Variants in VPS13B observed in about 807,000 individuals in gnomAD.
VPS13B encodes the protein intermembrane lipid transfer protein VPS13B.
A neutral mutation model predicts 426.4 loss-of-function variants in VPS13B; 285 were observed. The observed-to-expected ratio is 0.67, with a 90% CI of 0.61 to 0.74. The LOEUF (loss-of-function observed/expected upper bound fraction) is 0.74, where lower values mean the gene tolerates loss of function less well. VPS13B is among the 30% of genes least tolerant of loss of function. The probability of loss-of-function intolerance (pLI) is 0.00; values close to 1 mark genes in which losing one functional copy is unlikely to be tolerated. For synonymous variants in VPS13B, 1,676 were observed against 1,676.4 expected (o/e 1.00, Z 0.01); for missense variants, 4,537 against 4,782.6 (o/e 0.95, Z 1.51).
intron 31 of VPS13B, among the ~76,000 whole-genome samples, chr8:99,572,216 C>G (rs572842511): frequency 6.6e-6 from 1 of 152,108 alleles, no homozygotes; most frequent in African/African-American, 2.4e-5. Flanking sequence ...TAAGAATATA[C>G]GCAGTGGACT....
At chr8:99,816,843 A>C (rs575189623) in intron 44 of VPS13B, among the ~76,000 whole-genome samples, 17 of 152,264 alleles carry the variant, frequency 1.1e-4, no homozygotes, top group Admixed American at 7.9e-4. Context: ...AATAAAAAAA[A>C]TTAGATATCT....
At chr8:99,024,355 A>G (rs189842093) in intron 2 of VPS13B, among the ~76,000 whole-genome samples, 31 of 152,374 alleles carry the variant, frequency 2.0e-4, no homozygotes, top group Admixed American at 1.2e-3. Flanking sequence ...CTCTTATAAA[A>G]TACAATAAAA....
At chr8:99,152,131 A>G (rs1029548850) in intron 14 of VPS13B, among the ~76,000 whole-genome samples, 26 of 152,078 alleles carry the variant, frequency 1.7e-4, no homozygotes, top group African/African-American at 5.8e-4. Context: ...CCTTTTTTGT[A>G]ATATATGAAC....
chr8:99,157,830 A>G (rs1287066686), intron 15 of VPS13B, among the ~76,000 whole-genome samples: 1 of 152,254 alleles, frequency 6.6e-6, no homozygotes, highest in Non-Finnish European at 1.5e-5. Context: ...TCCAGTGAAC[A>G]CAGGAATGAC....
At chr8:99,142,800 A>G (rs1174682594) in intron 12 of VPS13B, among the ~76,000 whole-genome samples, 174 bp from the exon 13 acceptor site, 3 of 152,228 alleles carry the variant, frequency 2.0e-5, no homozygotes, top group African/African-American at 7.2e-5. Context: ...TTTATCAGTA[A>G]TTTATTATAT....
At chr8:99,699,380 G>A (rs1832176712) in intron 35 of VPS13B, 145 bp from the exon 36 acceptor site, 2 of 841,826 alleles carry the variant, frequency 2.4e-6, no homozygotes, top group South Asian at 3.1e-5. Flanking sequence ...TAAGTGATGA[G>A]TAAGAGATAT....
chr8:99,779,230 G>C (rs1274118933), intron 42 of VPS13B, among the ~76,000 whole-genome samples, 199 bp downstream of exon 42: 3 of 152,130 alleles, frequency 2.0e-5, no homozygotes, highest in Admixed American at 1.3e-4. Flanking sequence ...GGAGAATATA[G>C]GTTCTCTACA....
At chr8:99,537,949 T>C (rs1252982439) in intron 30 of VPS13B, among the ~76,000 whole-genome samples, 1 of 152,198 alleles carries the variant, frequency 6.6e-6, no homozygotes, top group Non-Finnish European at 1.5e-5. Flanking sequence ...ATTAAAATAT[T>C]TCTTATAATT....
chr8:99,299,569 C>T (rs1005966609), intron 19 of VPS13B, among the ~76,000 whole-genome samples: 1 of 151,914 alleles, frequency 6.6e-6, no homozygotes, highest in Non-Finnish European at 1.5e-5. Flanking sequence ...ATTGTTGCAC[C>T]ATGCTAAACT....
intron 30 of VPS13B, 112 bp downstream of exon 30, chr8:99,521,122 G>T (rs1822362178): frequency 4.4e-6 from 4 of 900,970 alleles, no homozygotes; most frequent in Non-Finnish European, 7.0e-6. Flanking sequence ...AGGATCTTTT[G>T]ATATTTAAAA....
At chr8:99,310,540 C>T (rs1482825546) in intron 19 of VPS13B, among the ~76,000 whole-genome samples, 1 of 152,210 alleles carries the variant, frequency 6.6e-6, no homozygotes, top group African/African-American at 2.4e-5. Context: ...ATGAAGCCCA[C>T]TTGATCATGG....
intron 35 of VPS13B, chr8:99,696,204 C>A: frequency 5.6e-6 from 1 of 178,950 alleles, no homozygotes; most frequent in South Asian, 1.3e-4. Context: ...CGCCGTGTCT[C>A]TGATGACTTG....
chr8:99,278,783 G>A (rs1190182536), intron 19 of VPS13B, among the ~76,000 whole-genome samples: 2 of 152,158 alleles, frequency 1.3e-5, no homozygotes, highest in South Asian at 2.1e-4. Flanking sequence ...TGATCTTACA[G>A]CATTTCTTTG....
At chr8:99,310,625 C>T (rs1052733054) in intron 19 of VPS13B, among the ~76,000 whole-genome samples, 1 of 152,194 alleles carries the variant, frequency 6.6e-6, no homozygotes, top group Non-Finnish European at 1.5e-5. Context: ...CAGTGTTCAT[C>T]AGGGATATTG....
chr8:99,074,769 G>A (rs528446695), intron 3 of VPS13B, among the ~76,000 whole-genome samples: 165 of 152,076 alleles, frequency 1.1e-3, no homozygotes, highest in Middle Eastern at 3.4e-3. Flanking sequence ...CTGAGTAGCT[G>A]GGACTACAGG....
intron 2 of VPS13B, among the ~76,000 whole-genome samples, chr8:99,027,196 C>G (rs1311959158): frequency 6.6e-6 from 1 of 152,050 alleles, no homozygotes; most frequent in Non-Finnish European, 1.5e-5. Context: ...TTTTGGTAAT[C>G]CATTCATCCA....
At chr8:99,785,477 A>G (rs1257993430) in intron 43 of VPS13B, among the ~76,000 whole-genome samples, 3 of 152,152 alleles carry the variant, frequency 2.0e-5, no homozygotes, top group African/African-American at 7.2e-5. Flanking sequence ...TTATTTAAAT[A>G]TATTTAGTTC....
Position 99,274,122 on chromosome 8 carries a change from T to G in VPS13B, c.2516-76T>G. The G allele has an allele frequency of 5.6e-6, 9 of 1,593,130 alleles. No individual in the cohort carries two copies. The South Asian group carries it at 1.0e-4, about 18-fold the overall frequency. ...GTAGACAGTTAGAGTATAATTAAGT[T>G]TAAATGCCTTGGTGAAGGAATATAA... On this transcript the variant is annotated intron_variant, in intron 17 of 61. Transcript: ENST00000357162.
At chr8:99,275,507 G>A (rs545237515) in intron 19 of VPS13B, among the ~76,000 whole-genome samples, 1 of 151,768 alleles carries the variant, frequency 6.6e-6, no homozygotes, top group African/African-American at 2.4e-5. Flanking sequence ...CTTCAGATTC[G>A]TATATATAAG....
Sources: allele counts gnomAD v4.1 joint callset (sites outside exome capture counted in the v4.1 genomes callset), GRCh38; gene constraint gnomAD v4.1.1; transcripts MANE v1.5; gene names NCBI Gene and HGNC (gene_info 2026-07-23, HGNC 2026-07-21).